The following HECW2 variants were observed in gnomAD, a reference collection of about 807,000 sequenced individuals.
HECW2 encodes the protein E3 ubiquitin-protein ligase HECW2.
Under a neutral mutation model 175.2 loss-of-function variants are expected in HECW2, and 61 were observed. The ratio of observed to expected loss-of-function variants is 0.35; its 90% confidence interval spans 0.28 to 0.43. The LOEUF is 0.43. Among genes scored for constraint, HECW2 ranks in the 20% least tolerant of loss-of-function variants. HECW2 has a pLI of 1.00. For missense variants in HECW2, 1,524 were observed against 2,000.5 expected (o/e 0.76, Z 4.54); for synonymous variants, 671 against 731.0 (o/e 0.92, Z 1.32).
intron 1 of HECW2, among the ~76,000 whole-genome samples, chr2:196,553,139 T>C (rs1421440031): frequency 6.6e-6 from 1 of 152,254 alleles, no homozygotes. Context: ...TAGAGGCTAA[T>C]AAATTATTTT....
chr2:196,490,982 T>C (rs969691145), intron 1 of HECW2, among the ~76,000 whole-genome samples: 1 of 152,200 alleles, frequency 6.6e-6, no homozygotes, highest in Non-Finnish European at 1.5e-5. Context: ...TAAAAGGTCA[T>C]GAGCAATTTT....
At chr2:196,203,876 T>C (rs988439499) in intron 28 of HECW2, among the ~76,000 whole-genome samples, 16 of 152,084 alleles carry the variant, frequency 1.1e-4, no homozygotes, top group African/African-American at 3.6e-4. Context: ...CCATTTCCTC[T>C]CCCCCTAGCC....
In HECW2 at chr2:196,242,247, C is replaced by T. The variant is rs780827943; in HGVS notation, c.3530-43G>A. On this transcript the variant is annotated intron_variant, in intron 19 of 28. Transcript: ENST00000644978. ...GAGAGGACAATCTGGATTTGTGCCT[C>T]GTCCTTATGTTCATCACATCACCAT... The T allele has an allele frequency of 8.7e-6, 14 of 1,612,438 alleles. No homozygotes were observed. The East Asian group carries it at 8.9e-5, about 10-fold the overall frequency.
intron 1 of HECW2, among the ~76,000 whole-genome samples, chr2:196,536,822 C>G (rs1028379026): frequency 1.8e-4 from 27 of 152,204 alleles, no homozygotes; most frequent in African/African-American, 6.3e-4. Context: ...TAGAAGGCCA[C>G]TGAAACTCAT....
intron 4 of HECW2, among the ~76,000 whole-genome samples, chr2:196,330,179 A>G (rs1167967579): frequency 6.6e-6 from 1 of 152,206 alleles, no homozygotes; most frequent in Non-Finnish European, 1.5e-5. Context: ...ATGCTACTAT[A>G]ATTAGCAATA....
chr2:196,379,456 C>T (rs555158943), intron 2 of HECW2, among the ~76,000 whole-genome samples: 4 of 152,110 alleles, frequency 2.6e-5, no homozygotes, highest in South Asian at 2.1e-4. Context: ...GAGGTCGAGG[C>T]GGGTGGATCA....
At chr2:196,355,886 A>G (rs1477213507) in intron 2 of HECW2, among the ~76,000 whole-genome samples, 2 of 152,138 alleles carry the variant, frequency 1.3e-5, no homozygotes, top group African/African-American at 2.4e-5. Context: ...TTGGTAGGAG[A>G]GTACAATTTT....
At chr2:196,335,434 T>C (rs564302302) in intron 3 of HECW2, among the ~76,000 whole-genome samples, 3 of 152,328 alleles carry the variant, frequency 2.0e-5, no homozygotes, top group Admixed American at 6.5e-5. Flanking sequence ...AGGATGCTGA[T>C]GGGCAGGCCC....
chr2:196,409,756 C>T (rs1165846328), intron 2 of HECW2, among the ~76,000 whole-genome samples: 1 of 152,260 alleles, frequency 6.6e-6, no homozygotes, highest in Admixed American at 6.5e-5. Flanking sequence ...CCATAAGAAG[C>T]CCTCTAGGTA....
rs551409986 is a variant in HECW2, at chr2:196,391,145, A to G, written c.292+41987T>C. 4.7e-4 allele frequency among the ~76,000 whole-genome samples: 71 copies of G among 152,270 alleles called. 1 individual carries two copies. The highest frequency in any genetic ancestry group is 1.6e-3 in the African/African-American group (65 of 41,544). On this transcript the variant is annotated intron_variant, in intron 2 of 28. Coordinates refer to ENST00000644978, the MANE Select transcript of HECW2 (RefSeq NM_001348768.2). The stretch of plus-strand genomic sequence containing the variant: ...GTAAGACTGGAATATTTAAACTCCC[A>G]GTTCTAAATATATAGTCTCTCTGCA...
At position 196,433,398 on chromosome 2, in the gene HECW2, A is replaced by G. The variant is rs762820067; in HGVS notation, c.26T>C (p.Leu9Pro). The change falls in exon 2 of 29, where the codon CTG becomes CCG. Residue 9 changes from leucine to proline, a missense_variant. Physicochemically the swap from Leu to Pro is moderately conservative, Grantham distance 98. This residue lies in a region of HECW2 where 135 missense variants were observed against 214.6 expected (regional missense o/e 0.63). Transcript: ENST00000644978. MASSAREH[L>P]LFVRRRNPQM... ...GGGATTTCGACGCCTCACAAAAAGC[A>G]GGTGCTCCCGGGCTGAACTAGCCAT... is the stretch of plus-strand genomic sequence containing the variant. The G allele has an allele frequency of 5.0e-6, 8 of 1,613,862 alleles. No individual in the cohort carries two copies. Among genetic ancestry groups the G allele is most frequent in the Middle Eastern group, 1.7e-4 (1 of 6,018 alleles).
intron 1 of HECW2, among the ~76,000 whole-genome samples, chr2:196,580,587 T>C (rs564843456): frequency 4.0e-5 from 6 of 151,112 alleles, no homozygotes; most frequent in Non-Finnish European, 4.4e-5. Flanking sequence ...ATGTTCAACA[T>C]CATTAGTCAT....
Position 196,329,602 on chromosome 2 carries a change from G to A in HECW2, c.544C>T (p.Arg182Ter). ...GACAATGTAAAGCTAACAAGTTTTCGAGAATGCAGGTTTCCTGAAGCACCT... is the reference window on the plus strand; with the variant it reads ...GACAATGTAAAGCTAACAAGTTTTCAAGAATGCAGGTTTCCTGAAGCACCT... Reference protein sequence around the residue: ...EGGASGNLHSRKLVSFTLSDL... With the variant: ...EGGASGNLHS Residue 182 changes from arginine to a stop codon, truncating the protein, a stop_gained, in exon 5 of 29, where the codon CGA becomes TGA. Transcript: ENST00000644978. LOFTEE classifies it high-confidence loss of function. 6.2e-7 allele frequency: 1 copy of A among 1,613,544 alleles called. No homozygotes were observed. The highest frequency in any genetic ancestry group is 8.5e-7 in the Non-Finnish European group (1 of 1,179,608).
At chr2:196,545,468 G>A (rs1322726945) in intron 1 of HECW2, among the ~76,000 whole-genome samples, 1 of 152,208 alleles carries the variant, frequency 6.6e-6, no homozygotes, top group African/African-American at 2.4e-5. Context: ...CAAACAAAAA[G>A]TCCTGATTAA....
chr2:196,278,796 G>A, intron 14 of HECW2, 134 bp from the exon 15 acceptor site: 1 of 1,034,308 alleles, frequency 9.7e-7, no homozygotes, highest in Non-Finnish European at 1.4e-6. Flanking sequence ...TCAATCTTTG[G>A]GGAAATTTCT....
At chr2:196,424,102 A>C (rs1207782916) in intron 2 of HECW2, among the ~76,000 whole-genome samples, 1 of 151,986 alleles carries the variant, frequency 6.6e-6, no homozygotes, top group Non-Finnish European at 1.5e-5. Context: ...GCAATATTTC[A>C]AGCTTTTTCA....
chr2:196,446,245 A>G (rs1275497610), intron 1 of HECW2, among the ~76,000 whole-genome samples: 2 of 152,186 alleles, frequency 1.3e-5, no homozygotes, highest in African/African-American at 4.8e-5. Context: ...CAGTATGCAC[A>G]TGGCTCACTT....
intron 21 of HECW2, among the ~76,000 whole-genome samples, chr2:196,237,694 T>C (rs1010519469): frequency 1.3e-5 from 2 of 152,250 alleles, no homozygotes; most frequent in Non-Finnish European, 2.9e-5. Flanking sequence ...TTTATATCAG[T>C]ATGGTTATTT....
chr2:196,254,057 C>A (rs747283263), intron 18 of HECW2, 28 bp from the exon 19 acceptor site: 1 of 1,610,876 alleles, frequency 6.2e-7, no homozygotes, highest in Non-Finnish European at 8.5e-7. Context: ...ACAAAACGGG[C>A]ACTTCAGCCA....
Sources: allele counts gnomAD v4.1 joint callset (sites outside exome capture counted in the v4.1 genomes callset), GRCh38; gene constraint gnomAD v4.1.1; regional missense constraint gnomAD v4.1.1; transcripts MANE v1.5; gene names NCBI Gene and HGNC (gene_info 2026-07-23, HGNC 2026-07-21).